TMTC1: variants seen among roughly 807,000 people sequenced by gnomAD.
The protein encoded by TMTC1 is protein O-mannosyl-transferase TMTC1.
A neutral mutation model predicts 104.8 loss-of-function variants in TMTC1; 73 were observed. That is an observed-to-expected ratio of 0.70 (90% CI 0.58 to 0.85). The LOEUF is 0.85. TMTC1 is among the 40% of genes least tolerant of loss of function. The pLI is 0.00. For missense variants in TMTC1, 1,035 were observed against 1,096.1 expected (o/e 0.94, Z 0.79); for synonymous variants, 434 against 428.7 (o/e 1.01, Z -0.15).
At chr12:29,510,762 T>G (rs1943811131) in intron 17 of TMTC1, among the ~76,000 whole-genome samples, 1 of 152,222 alleles carries the variant, frequency 6.6e-6, no homozygotes, top group Admixed American at 6.5e-5. Context: ...ATCAGTTAGC[T>G]AAGCAAGGGT....
intron 7 of TMTC1, among the ~76,000 whole-genome samples, chr12:29,585,533 G>T (rs1313109708): frequency 2.0e-5 from 3 of 152,088 alleles, no homozygotes; most frequent in Non-Finnish European, 4.4e-5. Context: ...TGTCCTGAAT[G>T]GTATTGCCTA....
chr12:29,640,152 G>C (rs942416859), intron 5 of TMTC1, among the ~76,000 whole-genome samples: 1 of 152,160 alleles, frequency 6.6e-6, no homozygotes, highest in Non-Finnish European at 1.5e-5. Flanking sequence ...AGAAAAGAGA[G>C]CCAAGCAACT....
At chr12:29,693,844 G>A (rs1941335896) in intron 5 of TMTC1, among the ~76,000 whole-genome samples, 1 of 152,130 alleles carries the variant, frequency 6.6e-6, no homozygotes, top group South Asian at 2.1e-4. Flanking sequence ...AAATGCCCGG[G>A]CAGACTGACA....
At chr12:29,745,467 A>G (rs1942928533) in intron 5 of TMTC1, among the ~76,000 whole-genome samples, 1 of 152,068 alleles carries the variant, frequency 6.6e-6, no homozygotes, top group East Asian at 1.9e-4. Context: ...TACTAAAAAT[A>G]CAAAAATTAG....
At chr12:29,567,010 C>T (rs1945534273) in intron 9 of TMTC1, among the ~76,000 whole-genome samples, 1 of 152,204 alleles carries the variant, frequency 6.6e-6, no homozygotes, top group Non-Finnish European at 1.5e-5. Context: ...CTCCCCAAGG[C>T]TAGACTCCCG....
intron 8 of TMTC1, among the ~76,000 whole-genome samples, chr12:29,575,074 C>T (rs1435627347): frequency 6.6e-6 from 1 of 152,126 alleles, no homozygotes; most frequent in Non-Finnish European, 1.5e-5. Context: ...TCCTTTGTAG[C>T]TGCTTCAGAA....
intron 7 of TMTC1, among the ~76,000 whole-genome samples, chr12:29,596,960 G>T (rs1356324274): frequency 6.6e-6 from 1 of 152,172 alleles, no homozygotes; most frequent in Non-Finnish European, 1.5e-5. Flanking sequence ...TCTGACTGTG[G>T]TCTGAGGCCC....
At chr12:29,769,887 A>G (rs1943556569) in intron 1 of TMTC1, among the ~76,000 whole-genome samples, 1 of 152,122 alleles carries the variant, frequency 6.6e-6, no homozygotes, top group South Asian at 2.1e-4. Flanking sequence ...AAGAAGTAAC[A>G]AGAAAAGTTT....
intron 5 of TMTC1, among the ~76,000 whole-genome samples, chr12:29,673,353 A>G (rs1291203786): frequency 1.3e-5 from 2 of 152,258 alleles, no homozygotes; most frequent in African/African-American, 4.8e-5. Context: ...TGTCATTCAG[A>G]TAACTGTCAG....
chr12:29,583,699 C>A, intron 7 of TMTC1, 125 bp from the exon 8 acceptor site: 2 of 842,956 alleles, frequency 2.4e-6, no homozygotes, highest in Non-Finnish European at 3.6e-6. Context: ...AATAGAAACT[C>A]CCCTGCCTTG....
At position 29,516,411 on chromosome 12, in the gene TMTC1, C is replaced by T. The variant is rs775958273; in HGVS notation, c.2245G>A (p.Gly749Arg). The T allele has an allele frequency of 2.4e-5, 39 of 1,613,900 alleles. 1 individual carries two copies. Among genetic ancestry groups the T allele is most frequent in the South Asian group, 2.2e-4 (20 of 91,078 alleles). The change falls in exon 15 of 18, where the codon GGA (glycine) becomes AGA (arginine). Residue 749 changes from glycine (G) to arginine (R), a missense_variant. Gly to Arg is a moderately radical substitution (Grantham distance 125). Transcript: ENST00000539277. The part of the protein sequence containing the change: ...MTNHIVSEET[G>R]CLECYRLLSA... ...AAGAGGCGATAGCATTCAAGGCATC[C>T]GGTCTCCTCTGACACAATGTGATTG...
intron 5 of TMTC1, among the ~76,000 whole-genome samples, chr12:29,688,824 C>A (rs1300431904): frequency 1.3e-5 from 2 of 152,072 alleles, no homozygotes; most frequent in African/African-American, 4.8e-5. Context: ...AACCCCCAAC[C>A]CCCTCCCCTA....
At chr12:29,746,188 T>C (rs1209639825) in intron 5 of TMTC1, among the ~76,000 whole-genome samples, 1 of 152,232 alleles carries the variant, frequency 6.6e-6, no homozygotes, top group East Asian at 1.9e-4. Flanking sequence ...AACTTCACTT[T>C]TAACTGTTAC....
At chr12:29,561,245 C>A (rs1373396803) in intron 9 of TMTC1, among the ~76,000 whole-genome samples, 2 of 151,694 alleles carry the variant, frequency 1.3e-5, no homozygotes, top group Non-Finnish European at 2.9e-5. Context: ...AAGAAGGCAG[C>A]CGGCTCCTGT....
At chr12:29,564,303 A>G (rs1358812785) in intron 9 of TMTC1, among the ~76,000 whole-genome samples, 1 of 152,132 alleles carries the variant, frequency 6.6e-6, no homozygotes, top group African/African-American at 2.4e-5. Context: ...CAACCAGCAT[A>G]TACACAGATG....
intron 1 of TMTC1, among the ~76,000 whole-genome samples, chr12:29,778,245 T>C (rs1943756902): frequency 6.6e-6 from 1 of 152,208 alleles, no homozygotes; most frequent in African/African-American, 2.4e-5. Flanking sequence ...AGTCCTTTCA[T>C]TTGCTTAGTT....
At chr12:29,678,541 C>T (rs992975374) in intron 5 of TMTC1, among the ~76,000 whole-genome samples, 2 of 152,054 alleles carry the variant, frequency 1.3e-5, no homozygotes, top group Admixed American at 1.3e-4. Context: ...AGTGGGTTTC[C>T]GAATCATAGT....
At position 29,754,844 on chromosome 12, in the gene TMTC1, A is replaced by G. The variant is rs530867471; in HGVS notation, c.731+865T>C. Among the ~76,000 whole-genome samples, 3 of 152,344 alleles carry G rather than the reference A, an allele frequency of 2.0e-5. No individual in the cohort carries two copies. In the South Asian group the frequency reaches 6.2e-4, roughly 32 times the overall value. On this transcript the variant is annotated intron_variant, in intron 4 of 17. Transcript: ENST00000539277. ...ACTCATCTCAGCGTGTTGCCACTCA[A>G]TATCACTGCTCTTATCTTTATGTCA... is the stretch of plus-strand genomic sequence containing the variant.
intron 5 of TMTC1, among the ~76,000 whole-genome samples, chr12:29,726,213 G>A (rs757413704): frequency 9.2e-5 from 14 of 152,186 alleles, no homozygotes; most frequent in Non-Finnish European, 1.8e-4. Flanking sequence ...GGAGGGGGGT[G>A]GGAAGCAGCC....
Sources: gnomAD v4.1 joint callset for allele counts (sites outside exome capture counted in the v4.1 genomes callset) on GRCh38, gnomAD v4.1.1 for gene constraint, MANE v1.5 for transcripts, NCBI Gene and HGNC (gene_info 2026-07-23, HGNC 2026-07-21) for gene names.